The following MED13L variants were observed in gnomAD, a reference collection of about 807,000 sequenced individuals.
MED13L encodes mediator of RNA polymerase II transcription subunit 13-like.
In MED13L, 7 loss-of-function variants were observed where a neutral mutation model predicts 220.9. That is an observed-to-expected ratio of 0.03 (90% confidence interval 0.02 to 0.06). The LOEUF (loss-of-function observed/expected upper bound fraction) is 0.06, where lower values mean the gene tolerates loss of function less well. MED13L is among the 10% of genes least tolerant of loss of function. MED13L has a pLI of 1.00. For missense variants in MED13L, 1,965 were observed against 2,760.5 expected (o/e 0.71, Z 6.46); for synonymous variants, 1,011 against 1,015.2 (o/e 1.00, Z 0.08).
chr12:116,069,167 G>C (rs544060955), intron 4 of MED13L, among the ~76,000 whole-genome samples: 3 of 152,304 alleles, frequency 2.0e-5, no homozygotes, highest in African/African-American at 7.2e-5. Context: ...AGAATCCTGA[G>C]CAGCCCTATT....
chr12:116,076,058 C>T (rs1474553489), intron 4 of MED13L, among the ~76,000 whole-genome samples: 1 of 151,844 alleles, frequency 6.6e-6, no homozygotes, highest in Non-Finnish European at 1.5e-5. Flanking sequence ...GGACTACAGG[C>T]GCCCGCTACC....
intron 4 of MED13L, among the ~76,000 whole-genome samples, chr12:116,029,344 A>T (rs1270379780): frequency 2.0e-5 from 3 of 151,096 alleles, no homozygotes; most frequent in Non-Finnish European, 3.0e-5. Context: ...TGAAACTTAT[A>T]AGTGCAAAGG....
chr12:116,021,343 T>C (rs1028312911), intron 5 of MED13L, among the ~76,000 whole-genome samples: 1 of 152,190 alleles, frequency 6.6e-6, no homozygotes, highest in Non-Finnish European at 1.5e-5. Flanking sequence ...TAAATGCTTT[T>C]ATTCTGAGTG....
chr12:115,994,959 G>A (rs572048467), intron 16 of MED13L, among the ~76,000 whole-genome samples: 8 of 152,284 alleles, frequency 5.3e-5, no homozygotes, highest in South Asian at 2.1e-4. Flanking sequence ...CCATTTTAAA[G>A]GGAAGACCCA....
intron 1 of MED13L, chr12:116,276,827 C>A (rs1873890314): frequency 1.9e-6 from 2 of 1,078,882 alleles, no homozygotes; most frequent in South Asian, 3.3e-5. Context: ...GCAAATTCCA[C>A]GCCGAGCGCC....
chr12:116,052,329 T>C (rs1868575425), intron 4 of MED13L, among the ~76,000 whole-genome samples: 1 of 152,060 alleles, frequency 6.6e-6, no homozygotes, highest in Non-Finnish European at 1.5e-5. Flanking sequence ...ATACAAAGGA[T>C]GTGAGGGAGT....
chr12:116,268,973 G>C (rs1158278909), intron 1 of MED13L, among the ~76,000 whole-genome samples: 1 of 151,948 alleles, frequency 6.6e-6, no homozygotes, highest in Admixed American at 6.6e-5. Context: ...TAAGTTCTGG[G>C]GTACATGTGC....
intron 2 of MED13L, among the ~76,000 whole-genome samples, chr12:116,121,926 G>C (rs891797046): frequency 6.6e-6 from 1 of 152,030 alleles, no homozygotes; most frequent in South Asian, 2.1e-4. Context: ...AATTTCACTC[G>C]AAACTCCAGA....
intron 4 of MED13L, among the ~76,000 whole-genome samples, chr12:116,056,941 A>G (rs1374789587): frequency 1.3e-5 from 2 of 152,200 alleles, no homozygotes; most frequent in African/African-American, 4.8e-5. Context: ...AGATTTACTA[A>G]AATACAGAAT....
Position 115,964,610 on chromosome 12 carries a change from A to G in MED13L, c.6388-1091T>C, listed in dbSNP as rs561845786. On this transcript the variant is annotated intron_variant, in intron 29 of 30. Coordinates refer to ENST00000281928, the MANE Select transcript of MED13L (RefSeq NM_015335.5). ...GATTTTTTGTTTGTTTTCCAACACAATTATGAACCAAGGATTTGTTTCATT... is the reference window on the plus strand; with the variant it reads ...GATTTTTTGTTTGTTTTCCAACACAGTTATGAACCAAGGATTTGTTTCATT... Among the ~76,000 whole-genome samples, 22 of 152,292 alleles carry G rather than the reference A, an allele frequency of 1.4e-4. 4 individuals are homozygous for G. The highest frequency in any genetic ancestry group is 5.1e-4 in the African/African-American group (21 of 41,558).
At chr12:116,147,752 T>C (rs1002543859) in intron 2 of MED13L, among the ~76,000 whole-genome samples, 1 of 152,084 alleles carries the variant, frequency 6.6e-6, no homozygotes, top group Non-Finnish European at 1.5e-5. Flanking sequence ...ACAACATTCA[T>C]CCTTATATTG....
intron 2 of MED13L, among the ~76,000 whole-genome samples, chr12:116,159,514 ATCT>A (rs1188089298): frequency 4.6e-5 from 7 of 152,304 alleles, no homozygotes; most frequent in South Asian, 4.1e-4. Flanking sequence ...TAAAAGAAAA[ATCT>A]TCTATAATTC....
chr12:116,250,609 CAAAAAAA>C (rs560814737), intron 1 of MED13L, among the ~76,000 whole-genome samples: 9 of 70,264 alleles, frequency 1.3e-4, no homozygotes, highest in East Asian at 4.0e-4. Flanking sequence ...ACTAAAAATA[CAAAAAAA>C]AAAAAAAAAA....
At position 115,984,266 on chromosome 12, in the gene MED13L, TCACTCA is replaced by T; in HGVS notation, c.4439_4444del (p.Val1480_Ser1481del). ...GCCGCTCCAAGGCTGGTTAAACCAC[TCACTCA>T]CAAGCTCATCTGTCAGCTTCTGTGC... On this transcript the variant is annotated inframe_deletion, in exon 20 of 31. Coordinates refer to ENST00000281928, the MANE Select transcript of MED13L (RefSeq NM_015335.5). 6.2e-7 allele frequency: 1 copy of T among 1,614,092 alleles called. No individual in the cohort carries two copies. Among genetic ancestry groups the T allele is most frequent in the Non-Finnish European group, 8.5e-7 (1 of 1,180,000 alleles).
intron 4 of MED13L, among the ~76,000 whole-genome samples, chr12:116,063,062 C>T (rs530320163): frequency 1.1e-4 from 17 of 152,284 alleles, no homozygotes; most frequent in African/African-American, 4.1e-4. Flanking sequence ...AACAATCTTA[C>T]TCTGCAATGC....
rs150096839 is a variant in MED13L, at chr12:116,179,197, C to T, written c.310+58271G>A. On this transcript the variant is annotated intron_variant, in intron 2 of 30. Transcript: ENST00000281928. ...TACCACAAAATAATTTAAAATTTGACGATTTACGTGTGTGTGTGTGTGTGT... is the reference window on the plus strand; with the variant it reads ...TACCACAAAATAATTTAAAATTTGATGATTTACGTGTGTGTGTGTGTGTGT... 4.7e-3 allele frequency among the ~76,000 whole-genome samples: 653 copies of T among 138,158 alleles called. 1 individual carries two copies. Among genetic ancestry groups the T allele is most frequent in the Admixed American group, 8.3e-3 (115 of 13,916 alleles). The allele number at this position is 138,158 out of a possible 152,430, so 90.6% of individuals were successfully genotyped here.
At chr12:115,978,847 CA>C (rs1347567480) in intron 23 of MED13L, among the ~76,000 whole-genome samples, 3 of 152,076 alleles carry the variant, frequency 2.0e-5, no homozygotes, top group Non-Finnish European at 2.9e-5. Flanking sequence ...CCATGAAAAA[CA>C]AAAGATAACA....
intron 4 of MED13L, among the ~76,000 whole-genome samples, chr12:116,071,003 A>C (rs1566042744): frequency 6.6e-6 from 1 of 152,222 alleles, no homozygotes. Context: ...TTTAATACAA[A>C]GATTCAGAAG....
intron 28 of MED13L, among the ~76,000 whole-genome samples, chr12:115,968,061 C>A (rs1217097810): frequency 7.6e-5 from 10 of 132,102 alleles, no homozygotes; most frequent in African/African-American, 1.1e-4. Context: ...AGTCCCCCCC[C>A]CCCCCCGATG....
Sources: gnomAD v4.1 joint callset for allele counts (sites outside exome capture counted in the v4.1 genomes callset) on GRCh38, gnomAD v4.1.1 for gene constraint, MANE v1.5 for transcripts, NCBI Gene and HGNC (gene_info 2026-07-23, HGNC 2026-07-21) for gene names.